DLC1: variants seen among roughly 807,000 people sequenced by gnomAD.
DLC1 encodes rho GTPase-activating protein 7.
A neutral mutation model predicts 140.3 loss-of-function variants in DLC1; 54 were observed. The ratio of observed to expected loss-of-function variants is 0.38; its 90% confidence interval spans 0.31 to 0.48. The LOEUF (loss-of-function observed/expected upper bound fraction) is 0.48, where lower values mean the gene tolerates loss of function less well. Ranked by LOEUF, DLC1 falls within the 20% of genes least tolerant of loss-of-function variation. The pLI, the probability that DLC1 is intolerant of heterozygous loss-of-function variation, is 0.96. For missense variants in DLC1, 2,536 were observed against 1,907.0 expected, an observed-to-expected ratio of 1.33 and a Z score of -6.14; for synonymous variants, 986 against 728.1, an observed-to-expected ratio of 1.35 and a Z score of -5.70.
chr8:13,223,210 T>C (rs1828642295), intron 5 of DLC1, among the ~76,000 whole-genome samples: 2 of 152,190 alleles, frequency 1.3e-5, no homozygotes, highest in Non-Finnish European at 2.9e-5. Flanking sequence ...ATAAAAATCC[T>C]GTCGTAGAGA....
intron 2 of DLC1, among the ~76,000 whole-genome samples, chr8:13,450,633 TTAA>T (rs1402878053): frequency 2.6e-5 from 4 of 152,140 alleles, no homozygotes; most frequent in African/African-American, 9.7e-5. Context: ...AGAATATAAC[TTAA>T]TGATATTTTG....
chr8:13,436,285 T>C (rs1004834282), intron 2 of DLC1, among the ~76,000 whole-genome samples: 3 of 152,166 alleles, frequency 2.0e-5, no homozygotes, highest in Non-Finnish European at 2.9e-5. Context: ...TAGAGATAAA[T>C]TGGTAAAAGA....
At chr8:13,371,240 C>T (rs1302813501) in intron 4 of DLC1, among the ~76,000 whole-genome samples, 4 of 152,180 alleles carry the variant, frequency 2.6e-5, no homozygotes, top group African/African-American at 7.2e-5. Flanking sequence ...GCTATTACCT[C>T]AGTTTCGGCG....
intron 5 of DLC1, among the ~76,000 whole-genome samples, chr8:13,235,483 T>C (rs1274605497): frequency 6.6e-6 from 1 of 152,078 alleles, no homozygotes; most frequent in Non-Finnish European, 1.5e-5. Context: ...ATGACAACTT[T>C]CTTCAATGTG....
chr8:13,550,837 G>T (rs1803820069), intron 1 of DLC1, among the ~76,000 whole-genome samples: 1 of 152,062 alleles, frequency 6.6e-6, no homozygotes, highest in South Asian at 2.1e-4. Flanking sequence ...GATTCTTGAA[G>T]TATCTTCCTT....
intron 2 of DLC1, among the ~76,000 whole-genome samples, chr8:13,453,572 T>TC (rs1799256946): frequency 8.7e-6 from 1 of 115,156 alleles, no homozygotes; most frequent in Non-Finnish European, 1.7e-5. Context: ...TTTTTTTTTT[T>TC]TTCAGATAGA....
intron 2 of DLC1, among the ~76,000 whole-genome samples, chr8:13,484,969 T>C (rs1563388003): frequency 6.6e-6 from 1 of 152,092 alleles, no homozygotes; most frequent in Non-Finnish European, 1.5e-5. Context: ...ATTAAGCACT[T>C]ATGAAGTGGT....
chr8:13,455,654 T>C (rs1294386309), intron 2 of DLC1, among the ~76,000 whole-genome samples: 2 of 152,154 alleles, frequency 1.3e-5, no homozygotes, highest in Admixed American at 1.3e-4. Context: ...CTAAAATTAG[T>C]TTTTCTCTTT....
chr8:13,184,251 C>A (rs1826214481), intron 5 of DLC1, among the ~76,000 whole-genome samples: 1 of 152,024 alleles, frequency 6.6e-6, no homozygotes, highest in Non-Finnish European at 1.5e-5. Flanking sequence ...TTTTGTTGAT[C>A]TTTTCAAAAA....
chr8:13,419,053 T>C (rs1447507224), intron 2 of DLC1, among the ~76,000 whole-genome samples: 2 of 151,830 alleles, frequency 1.3e-5, no homozygotes, highest in African/African-American at 4.8e-5. Flanking sequence ...GTGATTTTTG[T>C]ACATTGATTT....
At chr8:13,581,251 A>G (rs892113914) in intron 1 of DLC1, among the ~76,000 whole-genome samples, 17 of 152,198 alleles carry the variant, frequency 1.1e-4, no homozygotes, top group African/African-American at 3.4e-4. Flanking sequence ...CATTTGTTCA[A>G]TATCAGTGCA....
intron 5 of DLC1, among the ~76,000 whole-genome samples, chr8:13,223,093 A>G (rs950597286): frequency 1.3e-5 from 2 of 152,102 alleles, no homozygotes; most frequent in Admixed American, 1.3e-4. Flanking sequence ...GTTATTAGTT[A>G]TGTGACTTCC....
intron 7 of DLC1, among the ~76,000 whole-genome samples, chr8:13,107,936 T>C (rs1358777308): frequency 6.6e-6 from 1 of 151,928 alleles, no homozygotes; most frequent in African/African-American, 2.4e-5. Context: ...ATCCCAGCTA[T>C]TCAGGGGGCT....
rs187467343 is a variant in DLC1 at position 13,266,659 on chromosome 8, C to T, written c.1348+38610G>A. ...ACTCGGGAGGCTGAGGCACAAGAAT[C>T]ACTTGAATCTGGAAGGCAGAAGTTG... On this transcript the variant is annotated intron_variant, in intron 5 of 17. Transcript: ENST00000276297. Among the ~76,000 whole-genome samples the T allele has an allele frequency of 1.5e-3, 225 of 152,166 alleles. 1 individual carries two copies. The highest frequency in any genetic ancestry group is 2.9e-4 in the Non-Finnish European group (20 of 68,004).
chr8:13,586,519 A>G (rs1805317664), intron 1 of DLC1, among the ~76,000 whole-genome samples: 1 of 151,784 alleles, frequency 6.6e-6, no homozygotes, highest in African/African-American at 2.4e-5. Flanking sequence ...TAGATAGGTT[A>G]GTAACTGAAT....
intron 4 of DLC1, among the ~76,000 whole-genome samples, chr8:13,328,965 T>C (rs1346069337): frequency 6.6e-6 from 1 of 152,080 alleles, no homozygotes; most frequent in Non-Finnish European, 1.5e-5. Context: ...GATATGGAAA[T>C]GTGAAGGGGA....
At position 13,568,051 on chromosome 8, in the gene DLC1, T is replaced by C. The variant is rs547918239; in HGVS notation, c.-126+36486A>G. 6.2e-6 allele frequency: 8 copies of C among 1,284,056 alleles called. No homozygotes were observed. In the South Asian group the frequency reaches 9.9e-5, roughly 16 times the overall value. 79.5% of individuals were successfully genotyped at this position (1,284,056 alleles called of 1,614,324 possible). On this transcript the variant is annotated intron_variant, in intron 1 of 1. Transcript: ENST00000631382. ...ACTTTACTATGCTTCCTTCACAGAT[T>C]TGAGGACTAAGAACTTTCACTTTTT... is the stretch of plus-strand genomic sequence containing the variant.
chr8:13,535,146 A>C (rs1207697118), intron 1 of DLC1, among the ~76,000 whole-genome samples: 1 of 152,222 alleles, frequency 6.6e-6, no homozygotes, highest in East Asian at 1.9e-4. Context: ...TTAACAGAAG[A>C]CATTAAGAAA....
intron 5 of DLC1, among the ~76,000 whole-genome samples, chr8:13,293,136 G>T (rs534810846): frequency 6.6e-6 from 1 of 152,148 alleles, no homozygotes; most frequent in Non-Finnish European, 1.5e-5. Context: ...AGGCTGAGGC[G>T]GGAAGATTGC....
Sources: gnomAD v4.1 joint callset for allele counts (sites outside exome capture counted in the v4.1 genomes callset) on GRCh38, gnomAD v4.1.1 for gene constraint, MANE v1.5 for transcripts, NCBI Gene and HGNC (gene_info 2026-07-23, HGNC 2026-07-21) for gene names.